SLC24A4: variants seen among roughly 807,000 people sequenced by gnomAD.
SLC24A4 encodes sodium/potassium/calcium exchanger 4.
Under a neutral mutation model 79.0 loss-of-function variants are expected in SLC24A4, and 53 were observed. The ratio of observed to expected loss-of-function variants is 0.67; its 90% CI spans 0.54 to 0.84. The LOEUF is 0.84. Among genes scored for constraint, SLC24A4 ranks in the 40% least tolerant of loss-of-function variants. The probability of loss-of-function intolerance (pLI) is 0.00; values close to 1 mark genes in which losing one functional copy is unlikely to be tolerated. For missense variants in SLC24A4, 731 were observed against 822.0 expected (o/e 0.89, Z 1.35); for synonymous variants, 323 against 323.8 (o/e 1.00, Z 0.03).
intron 16 of SLC24A4, 100 bp from the exon 17 acceptor site, chr14:92,493,376 G>A: frequency 2.1e-6 from 3 of 1,423,876 alleles, no homozygotes; most frequent in Middle Eastern, 2.5e-4. Context: ...ACATTCTGCA[G>A]AATGTTCTAG....
rs559734081 is a variant in SLC24A4, at chr14:92,418,240, G to A, written c.242-15672G>A. 5.3e-5 allele frequency among the ~76,000 whole-genome samples: 8 copies of A among 152,304 alleles called. No individual in the cohort carries two copies. In the East Asian group the frequency reaches 1.5e-3, roughly 29 times the overall value. The stretch of plus-strand genomic sequence containing the variant: ...GGGAAGCCTGGGAGCAGGGGTGGGA[G>A]ACAGGGCAGGAGCCAAGAGTGCTGA... On this transcript the variant is annotated intron_variant, in intron 2 of 16. Transcript: ENST00000532405.
intron 2 of SLC24A4, among the ~76,000 whole-genome samples, chr14:92,343,049 C>T (rs115868330): frequency 3.0e-3 from 458 of 152,346 alleles, no homozygotes; most frequent in African/African-American, 9.4e-3. Flanking sequence ...CACATCCCTG[C>T]GCAGCTTGCA....
chr14:92,368,936 C>G (rs1205150327), intron 2 of SLC24A4, among the ~76,000 whole-genome samples: 1 of 152,192 alleles, frequency 6.6e-6, no homozygotes, highest in African/African-American at 2.4e-5. Flanking sequence ...CCTACCCACT[C>G]CTAAGGCAGA....
intron 2 of SLC24A4, among the ~76,000 whole-genome samples, chr14:92,356,370 A>AT (rs975589389): frequency 2.2e-4 from 33 of 152,280 alleles, no homozygotes; most frequent in African/African-American, 6.7e-4. Flanking sequence ...TTAATGTGAC[A>AT]TTTTCCTTGT....
intron 2 of SLC24A4, among the ~76,000 whole-genome samples, chr14:92,339,274 GGTTGA>G (rs1161032556): frequency 6.6e-6 from 1 of 152,156 alleles, no homozygotes; most frequent in African/African-American, 2.4e-5. Context: ...AGTAGAGGAG[GGTTGA>G]GTTAAGTCCC....
rs900986260 is a variant in SLC24A4 at position 92,441,522 on chromosome 14, C to G, written c.394-567C>G. On this transcript the variant is annotated intron_variant, in intron 4 of 16. Transcript: ENST00000532405. The surrounding 1 kb of genome is among the most constrained non-coding windows in gnomAD (Gnocchi z 4.6). ...AGCTGCAGGCCAGAGGCCTCCAGAT[C>G]CACAATGCTGACATTCTCATTGAGG... Among the ~76,000 whole-genome samples the G allele has an allele frequency of 1.3e-5, 2 of 152,234 alleles. No individual in the cohort carries two copies. The highest frequency in any genetic ancestry group is 2.9e-5 in the Non-Finnish European group (2 of 68,044).
At chr14:92,491,923 T>C (rs1405385191) in intron 15 of SLC24A4, 146 bp downstream of exon 15, 2 of 701,642 alleles carry the variant, frequency 2.9e-6, no homozygotes, top group Admixed American at 4.8e-5. Context: ...TAGAGCACCT[T>C]AGGGATGTCT....
intron 2 of SLC24A4, among the ~76,000 whole-genome samples, chr14:92,333,671 C>T (rs568927233): frequency 6.6e-6 from 1 of 152,288 alleles, no homozygotes; most frequent in Non-Finnish European, 1.5e-5. Flanking sequence ...GGAGGGTCTG[C>T]AGAGAAAGGT....
At chr14:92,488,000 G>A (rs1403017670) in intron 14 of SLC24A4, among the ~76,000 whole-genome samples, 8 of 146,730 alleles carry the variant, frequency 5.5e-5, no homozygotes, top group African/African-American at 1.8e-4. Flanking sequence ...TCCTCCTCTC[G>A]CTCCTCCTCC....
At chr14:92,406,174 C>T (rs1258835903) in intron 2 of SLC24A4, among the ~76,000 whole-genome samples, 1 of 152,258 alleles carries the variant, frequency 6.6e-6, no homozygotes, top group Admixed American at 6.5e-5. Flanking sequence ...AAAATAATCT[C>T]CTTTGACTCT....
chr14:92,413,650 GC>G (rs1249470826), intron 2 of SLC24A4, among the ~76,000 whole-genome samples: 1 of 152,196 alleles, frequency 6.6e-6, no homozygotes, highest in Non-Finnish European at 1.5e-5. Context: ...CCCAGTAGAT[GC>G]CACACGCTCA....
chr14:92,378,472 T>G (rs1157141985), intron 2 of SLC24A4, among the ~76,000 whole-genome samples: 1 of 152,246 alleles, frequency 6.6e-6, no homozygotes, highest in Non-Finnish European at 1.5e-5. Context: ...AATAGGCATT[T>G]CCTTGGATAA....
chr14:92,439,563 G>T (rs906520199), intron 4 of SLC24A4, among the ~76,000 whole-genome samples, 154 bp downstream of exon 4: 3 of 152,200 alleles, frequency 2.0e-5, no homozygotes, highest in Admixed American at 2.0e-4. Context: ...GCGAAGCCTC[G>T]CCAGAAACCC....
At chr14:92,385,960 G>A (rs1229836987) in intron 2 of SLC24A4, among the ~76,000 whole-genome samples, 1 of 152,116 alleles carries the variant, frequency 6.6e-6, no homozygotes, top group African/African-American at 2.4e-5. Context: ...TTATGGAGGA[G>A]GAAGAGTTTC....
chr14:92,439,092 C>G (rs970910538), intron 3 of SLC24A4, among the ~76,000 whole-genome samples: 1 of 152,212 alleles, frequency 6.6e-6, no homozygotes, highest in Non-Finnish European at 1.5e-5. Context: ...AGGAATGAGC[C>G]GCAGTGGCCT....
At chr14:92,482,516 T>G (rs1271399718) in intron 12 of SLC24A4, among the ~76,000 whole-genome samples, 164 bp from the exon 13 acceptor site, 1 of 152,208 alleles carries the variant, frequency 6.6e-6, no homozygotes, top group African/African-American at 2.4e-5. Context: ...ACTTCCAGGG[T>G]GACATTATGG....
chr14:92,378,071 C>G (rs962363254), intron 2 of SLC24A4, among the ~76,000 whole-genome samples: 1 of 152,158 alleles, frequency 6.6e-6, no homozygotes, highest in Non-Finnish European at 1.5e-5. Context: ...GGTCTGCTTG[C>G]AGTCGGCTGC....
intron 2 of SLC24A4, among the ~76,000 whole-genome samples, chr14:92,382,223 GA>G (rs1465862492): frequency 6.6e-6 from 1 of 151,906 alleles, no homozygotes; most frequent in African/African-American, 2.4e-5. Flanking sequence ...GGCCTTTGGG[GA>G]AAAATAATGT....
At chr14:92,387,743 C>T (rs1194287941) in intron 2 of SLC24A4, among the ~76,000 whole-genome samples, 1 of 152,218 alleles carries the variant, frequency 6.6e-6, no homozygotes, top group Non-Finnish European at 1.5e-5. Flanking sequence ...CTGGCAATCC[C>T]CAGTCTGCTT....
Sources: gnomAD v4.1 joint callset for allele counts (sites outside exome capture counted in the v4.1 genomes callset) on GRCh38, gnomAD v4.1.1 for gene constraint, Gnocchi (gnomAD v3.1) non-coding constraint, MANE v1.5 for transcripts, NCBI Gene and HGNC (gene_info 2026-07-23, HGNC 2026-07-21) for gene names.